Variants in HSPA9 observed in about 807,000 individuals in gnomAD.
The protein encoded by HSPA9 is heat shock protein family A (Hsp70) member 9.
Under a neutral mutation model 81.5 loss-of-function variants are expected in HSPA9, and 28 were observed. The ratio of observed to expected loss-of-function variants is 0.34; its 90% CI spans 0.25 to 0.47. The LOEUF is 0.47. Ranked by LOEUF, HSPA9 falls within the 20% of genes least tolerant of loss-of-function variation. HSPA9 has a pLI of 1.00. For missense variants in HSPA9, 678 were observed against 838.0 expected (o/e 0.81, Z 2.36); for synonymous variants, 293 against 290.4 (o/e 1.01, Z -0.09).
intron 11 of HSPA9, chr5:138,559,034 C>T (rs41296449): frequency 4.5e-4 from 102 of 229,156 alleles, no homozygotes; most frequent in African/African-American, 2.0e-3. Context: ...AAATACATCA[C>T]GGCACAAATA....
At chr5:138,559,710 G>C (rs1750611334) in intron 11 of HSPA9, 154 bp downstream of exon 11, 1 of 665,752 alleles carries the variant, frequency 1.5e-6, no homozygotes, top group South Asian at 1.7e-5. Context: ...ACAAAACACA[G>C]GATTCTCACC....
At position 138,565,490 on chromosome 5, in the gene HSPA9, T is replaced by C. The variant is rs559243318; in HGVS notation, c.972+1136A>G. 1.2e-4 allele frequency among the ~76,000 whole-genome samples: 19 copies of C among 152,350 alleles called. No homozygotes were observed. In the South Asian group the frequency reaches 3.3e-3, roughly 27 times the overall value. ...AAAATAAAGGTGTCACCGCTCTGCT[T>C]TTCCTGCTGTCACCCAAGACACCGG... is the stretch of plus-strand genomic sequence containing the variant. On this transcript the variant is annotated intron_variant, in intron 9 of 16. Coordinates refer to ENST00000297185, the MANE Select transcript of HSPA9 (RefSeq NM_004134.7).
chr5:138,557,195 G>T, intron 14 of HSPA9: 2 of 624,414 alleles, frequency 3.2e-6, no homozygotes, highest in Non-Finnish European at 5.8e-6. Flanking sequence ...CCACTTTCTT[G>T]TTCAAGCGAT....
Position 138,554,172 on chromosome 5 carries a change from T to C in HSPA9, c.*1865A>G, listed in dbSNP as rs1054014214. Among the ~76,000 whole-genome samples the C allele has an allele frequency of 2.0e-5, 3 of 152,352 alleles. No homozygotes were observed. In the East Asian group the frequency reaches 5.8e-4, roughly 29 times the overall value. The stretch of plus-strand genomic sequence containing the variant: ...CTTTACTGATAGGTGACTGAAATAC[T>C]GTGTCCACCCATACCCAAGCAACTT... On this transcript the variant is annotated 3_prime_UTR_variant, in exon 17 of 17. Coordinates refer to ENST00000297185, the MANE Select transcript of HSPA9 (RefSeq NM_004134.7).
At chr5:138,573,152 C>G (rs1259487118) in intron 3 of HSPA9, among the ~76,000 whole-genome samples, 1 of 152,126 alleles carries the variant, frequency 6.6e-6, no homozygotes, top group Non-Finnish European at 1.5e-5. Context: ...CTTGGCCTCC[C>G]AAAGTGCTAG....
Position 138,561,672 on chromosome 5 carries a change from C to G in HSPA9, c.1090G>C (p.Ala364Pro), listed in dbSNP as rs751461394. The part of the protein sequence containing the change: ...IVTDLIRRTI[A>P]PCQKAMQDAE... The stretch of plus-strand genomic sequence containing the variant: ...TCTTGCATAGCTTTTTGGCATGGAG[C>G]GATAGTCCTTCTGATTAGATCAGTG... The change falls in exon 10 of 17, where the codon GCT becomes CCT. Residue 364 changes from alanine (A) to proline (P), a missense_variant. This residue lies in a region of HSPA9 where 484 missense variants were observed against 647.5 expected (regional missense o/e 0.75). Transcript: ENST00000297185. 1 of 1,614,074 alleles carries G rather than the reference C, an allele frequency of 6.2e-7. No individual in the cohort carries two copies. The highest frequency in any genetic ancestry group is 8.5e-7 in the Non-Finnish European group (1 of 1,179,988).
intron 11 of HSPA9, chr5:138,559,044 A>C: frequency 4.6e-6 from 1 of 219,138 alleles, no homozygotes; most frequent in Non-Finnish European, 9.4e-6. Flanking sequence ...CGGCACAAAT[A>C]TACCAACAAC....
chr5:138,570,718 C>T (rs1160839015), intron 4 of HSPA9: 3 of 446,070 alleles, frequency 6.7e-6, no homozygotes, highest in Non-Finnish European at 1.2e-5. Flanking sequence ...CTCCTGACTT[C>T]AGGTGATCCA....
chr5:138,556,862 C>T lies in HSPA9; in HGVS notation c.1733G>A (p.Arg578Gln), dbSNP rs747000563. The T allele has an allele frequency of 6.6e-5, 106 of 1,611,650 alleles. No homozygotes were observed. The highest frequency in any genetic ancestry group is 8.4e-5 in the Non-Finnish European group (99 of 1,177,980). Residue 578 changes from arginine to glutamine, a missense_variant, in exon 15 of 17, where the codon CGA becomes CAA. Transcript: ENST00000297185. ...TTCAGCCATATTAACTGCTTCAACT[C>T]GTTCCTTAGAGAAATTAGAAGTTTA... ...YAEEDRRKKE[R>Q]VEAVNMAEGI...
rs907398048 is a variant in HSPA9, at chr5:138,554,053, G to T, written c.*1984C>A. On this transcript the variant is annotated 3_prime_UTR_variant, in exon 17 of 17. Transcript: ENST00000297185. Reference sequence around the variant, plus strand: ...TGGGACCTCGGTTCCATAATTGTGAGCCAGTTTCTTTCTTACAGTAAATCT... The same window carrying T: ...TGGGACCTCGGTTCCATAATTGTGATCCAGTTTCTTTCTTACAGTAAATCT... 6.6e-6 allele frequency among the ~76,000 whole-genome samples: 1 copy of T among 152,198 alleles called. No individual in the cohort carries two copies. The highest frequency in any genetic ancestry group is 1.5e-5 in the Non-Finnish European group (1 of 68,034).
rs761670016 is a variant in HSPA9 at position 138,560,133 on chromosome 5, A to T, written c.1183-42T>A. On this transcript the variant is annotated intron_variant, in intron 10 of 16. Coordinates refer to ENST00000297185, the MANE Select transcript of HSPA9 (RefSeq NM_004134.7). ...AAGAACCTGTCGGCCCACACTTGGG[A>T]ACTACCTGAGCAGAACAAAAGGGAG... is the stretch of plus-strand genomic sequence containing the variant. 2.0e-6 allele frequency: 3 copies of T among 1,473,452 alleles called. No individual in the cohort carries two copies. The African/African-American group carries it at 4.2e-5, about 20-fold the overall frequency. 91.3% of individuals were successfully genotyped at this position (1,473,452 alleles called of 1,614,324 possible).
chr5:138,557,004 G>A, intron 14 of HSPA9, 138 bp from the exon 15 acceptor site: 1 of 724,808 alleles, frequency 1.4e-6, no homozygotes, highest in Non-Finnish European at 2.5e-6. Context: ...AGAGTGGCAT[G>A]AAAGAGTCTG....
Position 138,554,671 on chromosome 5 carries a change from A to G in HSPA9, c.*1366T>C, listed in dbSNP as rs189951276. 3.3e-5 allele frequency among the ~76,000 whole-genome samples: 5 copies of G among 152,378 alleles called. No homozygotes were observed. Among genetic ancestry groups the G allele is most frequent in the Non-Finnish European group, 5.9e-5 (4 of 68,046 alleles). ...AAGGAGCCATTGTGTCTGATATTCTAAGCCCATCTTGATAACAGACTCTTT... is the reference window on the plus strand; with the variant it reads ...AAGGAGCCATTGTGTCTGATATTCTGAGCCCATCTTGATAACAGACTCTTT... On this transcript the variant is annotated 3_prime_UTR_variant, in exon 17 of 17. Coordinates refer to ENST00000297185, the MANE Select transcript of HSPA9 (RefSeq NM_004134.7).
chr5:138,560,835 A>G (rs1377225340), intron 10 of HSPA9: 4 of 429,138 alleles, frequency 9.3e-6, no homozygotes, highest in South Asian at 1.7e-5. Flanking sequence ...GGCGTAAGCC[A>G]CTGTACCCGG....
intron 9 of HSPA9, among the ~76,000 whole-genome samples, chr5:138,564,077 T>G (rs1003588143): frequency 3.3e-5 from 5 of 152,226 alleles, no homozygotes; most frequent in African/African-American, 1.2e-4. Context: ...CTCAGGTACC[T>G]TCTTAGATTA....
At chr5:138,558,501 A>C in intron 12 of HSPA9, 52 bp downstream of exon 12, 1 of 1,132,386 alleles carries the variant, frequency 8.8e-7, no homozygotes, top group South Asian at 1.2e-5. Flanking sequence ...TTAGAATATT[A>C]TCTCACTTTA....
intron 4 of HSPA9, among the ~76,000 whole-genome samples, chr5:138,569,548 T>C (rs185327726): frequency 1.2e-4 from 19 of 152,272 alleles, no homozygotes; most frequent in Non-Finnish European, 2.2e-4. Context: ...TATAGTATTA[T>C]TTGGCCATAA....
chr5:138,573,641 CAAAAAAA>C (rs57776368), intron 3 of HSPA9, 115 bp downstream of exon 3: 1,705 of 299,518 alleles, frequency 5.7e-3, no homozygotes, highest in East Asian at 0.026. Flanking sequence ...AGACTGTCTC[CAAAAAAA>C]AAAAAAAAAA....
chr5:138,561,199 C>T (rs1368936325), intron 10 of HSPA9: 8 of 394,416 alleles, frequency 2.0e-5, no homozygotes, highest in Non-Finnish European at 4.2e-5. Flanking sequence ...GTTTTATGTT[C>T]CCCTCTGACC....
Sources: allele counts gnomAD v4.1 joint callset (sites outside exome capture counted in the v4.1 genomes callset), GRCh38; gene constraint gnomAD v4.1.1; regional missense constraint gnomAD v4.1.1; transcripts MANE v1.5; gene names NCBI Gene and HGNC (gene_info 2026-07-23, HGNC 2026-07-21).